ITGAM: variants seen among roughly 807,000 people sequenced by gnomAD.
The protein encoded by ITGAM is integrin subunit alpha M, also known as integrin alpha-M.
ITGAM carries 79 observed loss-of-function variants against 137.5 expected under a neutral mutation model. The ratio of observed to expected loss-of-function variants is 0.57; its 90% confidence interval spans 0.48 to 0.69. The LOEUF (loss-of-function observed/expected upper bound fraction) is 0.69, where lower values mean the gene tolerates loss of function less well. ITGAM is among the 30% of genes least tolerant of loss of function. The probability of loss-of-function intolerance (pLI) is 0.00; values close to 1 mark genes in which losing one functional copy is unlikely to be tolerated. For synonymous variants in ITGAM, 583 were observed against 592.3 expected (o/e 0.98, Z 0.23); for missense variants, 1,343 against 1,483.5 (o/e 0.91, Z 1.56).
At position 31,330,023 on chromosome 16, in the gene ITGAM, C is replaced by T. The variant is rs943354061; in HGVS notation, c.2977-58C>T. The T allele has an allele frequency of 5.7e-6, 9 of 1,565,962 alleles. No individual in the cohort carries two copies. In the African/African-American group the frequency reaches 8.1e-5, roughly 14 times the overall value. ...CCTGGACCCAGGCCATCTCACCTCC[C>T]GAGATGAGGCCCTGGCGCCTTCATC... On this transcript the variant is annotated intron_variant, in intron 25 of 29. Coordinates refer to ENST00000544665, the MANE Select transcript of ITGAM (RefSeq NM_000632.4).
chr16:31,282,457 G>A (rs935987423), intron 12 of ITGAM, among the ~76,000 whole-genome samples: 14 of 151,906 alleles, frequency 9.2e-5, no homozygotes, highest in Non-Finnish European at 1.5e-4. Context: ...TGAATTTATC[G>A]GTTTACCATT....
chr16:31,330,269 G>C, intron 26 of ITGAM, 39 bp from the exon 27 acceptor site: 2 of 1,593,322 alleles, frequency 1.3e-6, no homozygotes, highest in Non-Finnish European at 1.7e-6. Context: ...CTCTGCCTTC[G>C]GCTTCCTTAC....
chr16:31,303,600 C>T (rs770537155), intron 14 of ITGAM, among the ~76,000 whole-genome samples: 161 of 152,088 alleles, frequency 1.1e-3, no homozygotes, highest in Non-Finnish European at 2.2e-3. Context: ...TGTCTCTTAC[C>T]TCCTCCCAGA....
At chr16:31,302,454 C>CTTTCTTTCTTTCTTTCTTT (rs1567268010) in intron 14 of ITGAM, among the ~76,000 whole-genome samples, 11 of 92,004 alleles carry the variant, frequency 1.2e-4, no homozygotes, top group South Asian at 6.9e-4. Context: ...TTTCTTTCTT[C>CTTTCTTTCTTTCTTTCTTT]CTTCCTTTCT....
intron 12 of ITGAM, among the ~76,000 whole-genome samples, chr16:31,286,494 A>G (rs767843540): frequency 6.6e-6 from 1 of 152,108 alleles, no homozygotes; most frequent in East Asian, 1.9e-4. Flanking sequence ...CTTTTTCTTC[A>G]TTGCCTTACC....
intron 14 of ITGAM, among the ~76,000 whole-genome samples, chr16:31,298,610 G>A (rs2080163527): frequency 1.3e-5 from 2 of 152,182 alleles, no homozygotes; most frequent in Admixed American, 6.6e-5. Context: ...AAGAGCTCTA[G>A]TTTGCTTAAC....
rs377004368 is a variant in ITGAM, at chr16:31,331,200, C to T, written c.3312C>T (p.Asn1104=). The T allele has an allele frequency of 2.5e-6, 4 of 1,613,046 alleles. No individual in the cohort carries two copies. Among genetic ancestry groups the T allele is most frequent in the Non-Finnish European group, 3.4e-6 (4 of 1,179,426 alleles). ...AAGTGGAGCCGTTCGAGGTCCCCAA[C>T]CCCCTGCCGCTCATCGTGGGCAGCT... The part of the protein sequence containing the change: ...ETKVEPFEVP[N]PLPLIVGSSV... The change falls in exon 29 of 30, where the codon AAC becomes AAT. Residue 1104 remains asparagine, a synonymous_variant. Coordinates refer to ENST00000544665, the MANE Select transcript of ITGAM (RefSeq NM_000632.4).
At chr16:31,300,253 A>G (rs1215572260) in intron 14 of ITGAM, among the ~76,000 whole-genome samples, 2 of 152,216 alleles carry the variant, frequency 1.3e-5, no homozygotes, top group African/African-American at 4.8e-5. Flanking sequence ...GGGCACGTTC[A>G]TATCTCTTTA....
chr16:31,310,866 G>A (rs548184690), intron 14 of ITGAM, among the ~76,000 whole-genome samples: 1 of 152,182 alleles, frequency 6.6e-6, no homozygotes, highest in African/African-American at 2.4e-5. Flanking sequence ...CGTACAGATG[G>A]GTTTTTGGTG....
intron 1 of ITGAM, 34 bp from the exon 2 acceptor site, chr16:31,261,658 C>T: frequency 7.0e-7 from 1 of 1,426,274 alleles, no homozygotes; most frequent in Non-Finnish European, 9.8e-7. Flanking sequence ...ATGCTACTTT[C>T]CTCTGCTTGA....
chr16:31,271,311 A>G (rs1027753538), intron 6 of ITGAM, among the ~76,000 whole-genome samples: 7 of 152,102 alleles, frequency 4.6e-5, no homozygotes, highest in Non-Finnish European at 5.9e-5. Flanking sequence ...GGCATGGGAG[A>G]TGAAGCCCAC....
intron 19 of ITGAM, 21 bp from the exon 20 acceptor site, chr16:31,325,242 C>A: frequency 3.7e-6 from 6 of 1,601,920 alleles, no homozygotes; most frequent in Non-Finnish European, 5.1e-6. Context: ...CATCCCCCGG[C>A]CTGTCTTCTT....
At chr16:31,297,697 G>T (rs762295772) in intron 13 of ITGAM, 43 bp downstream of exon 13, 2 of 1,594,640 alleles carry the variant, frequency 1.3e-6, no homozygotes, top group Middle Eastern at 1.7e-4. Context: ...CCCGGTGTGG[G>T]TGGAGGGGTC....
At chr16:31,298,815 C>T (rs891651804) in intron 14 of ITGAM, among the ~76,000 whole-genome samples, 9 of 149,542 alleles carry the variant, frequency 6.0e-5, no homozygotes, top group Non-Finnish European at 8.9e-5. Context: ...AGGGGTCCTA[C>T]GTTTTTTTGC....
At chr16:31,309,788 T>C (rs997663155) in intron 14 of ITGAM, among the ~76,000 whole-genome samples, 1 of 152,326 alleles carries the variant, frequency 6.6e-6, no homozygotes, top group South Asian at 2.1e-4. Flanking sequence ...CAGTGGCTGG[T>C]ACCGGCTGTT....
chr16:31,331,161 C>G lies in ITGAM; in HGVS notation c.3277-4C>G, dbSNP rs2080577032. Reference sequence around the variant, plus strand: ...TCCCCTGACGCCCCTCCTTCCTCCCCCAGACGGAGACCAAAGTGGAGCCGT... The same window carrying G: ...TCCCCTGACGCCCCTCCTTCCTCCCGCAGACGGAGACCAAAGTGGAGCCGT... On this transcript the variant is annotated splice_region_variant and splice_polypyrimidine_tract_variant and intron_variant, in intron 28 of 29. Coordinates refer to ENST00000544665, the MANE Select transcript of ITGAM (RefSeq NM_000632.4). The G allele has an allele frequency of 6.4e-7, 1 of 1,573,526 alleles. No individual in the cohort carries two copies. Among genetic ancestry groups the G allele is most frequent in the East Asian group, 2.2e-5 (1 of 44,660 alleles).
chr16:31,300,824 A>T (rs1374259281), intron 14 of ITGAM, among the ~76,000 whole-genome samples: 2 of 152,206 alleles, frequency 1.3e-5, no homozygotes, highest in Non-Finnish European at 2.9e-5. Flanking sequence ...AGATGGGAGA[A>T]TCGCTTGAAC....
chr16:31,310,813 C>G (rs1478832507), intron 14 of ITGAM, among the ~76,000 whole-genome samples: 2 of 152,090 alleles, frequency 1.3e-5, no homozygotes, highest in Non-Finnish European at 2.9e-5. Flanking sequence ...GTTTTTTCCC[C>G]ATCTTTGTGG....
At chr16:31,318,184 G>T (rs919047032) in intron 14 of ITGAM, among the ~76,000 whole-genome samples, 4 of 151,978 alleles carry the variant, frequency 2.6e-5, no homozygotes, top group Non-Finnish European at 5.9e-5. Context: ...TTCCTTCAAG[G>T]TTATCAAGTT....
Sources: gnomAD v4.1 joint callset for allele counts (sites outside exome capture counted in the v4.1 genomes callset) on GRCh38, gnomAD v4.1.1 for gene constraint, MANE v1.5 for transcripts, NCBI Gene and HGNC (gene_info 2026-07-23, HGNC 2026-07-21) for gene names.